Variants in SRC observed in about 807,000 individuals in gnomAD.
SRC encodes SRC proto-oncogene, non-receptor tyrosine kinase, also known as proto-oncogene tyrosine-protein kinase Src.
SRC carries 13 observed loss-of-function variants against 62.9 expected under a neutral mutation model. That is an observed-to-expected ratio of 0.21 (90% CI 0.13 to 0.33). SRC has a LOEUF of 0.33. SRC is among the 10% of genes least tolerant of loss of function. SRC has a pLI of 1.00. For synonymous variants in SRC, 302 were observed against 317.5 expected (o/e 0.95, Z 0.52); for missense variants, 457 against 737.3 (o/e 0.62, Z 4.40).
At chr20:37,365,414 C>T (rs187940144) in intron 2 of SRC, 137 bp downstream of exon 2, 7 of 152,084 alleles carry the variant, frequency 4.6e-5, no homozygotes, top group Admixed American at 3.9e-4. Flanking sequence ...GTCTCCTTGC[C>T]AGAGGCAACC....
At chr20:37,350,973 G>A (rs975033086) in intron 1 of SRC, among the ~76,000 whole-genome samples, 1 of 152,176 alleles carries the variant, frequency 6.6e-6, no homozygotes, top group African/African-American at 2.4e-5. Context: ...AAAGACCCAG[G>A]GCAAATCATC....
chr20:37,381,190 G>C (rs957799834), intron 2 of SRC, among the ~76,000 whole-genome samples: 11 of 152,098 alleles, frequency 7.2e-5, no homozygotes, highest in Admixed American at 2.6e-4. Flanking sequence ...CATTGCACTT[G>C]GTGGCTCAGG....
At chr20:37,376,085 G>T (rs1212843504) in intron 2 of SRC, among the ~76,000 whole-genome samples, 2 of 152,206 alleles carry the variant, frequency 1.3e-5, no homozygotes, top group Non-Finnish European at 2.9e-5. Flanking sequence ...ATCTGGGGTG[G>T]GGGATGCACA....
At chr20:37,378,455 C>A (rs1383793088) in intron 2 of SRC, among the ~76,000 whole-genome samples, 1 of 152,074 alleles carries the variant, frequency 6.6e-6, no homozygotes, top group Non-Finnish European at 1.5e-5. Flanking sequence ...TGCTCACAAC[C>A]CTATTATGTG....
Position 37,402,235 on chromosome 20 carries a change from G to A in SRC, c.1117-200G>A. 1.7e-6 allele frequency: 1 copy of A among 602,972 alleles called. No individual in the cohort carries two copies. The allele number at this position is 602,972 out of a possible 1,614,324, so 37.4% of individuals were successfully genotyped here. A position where few individuals can be genotyped will look rare whatever the true frequency, so the allele number is the denominator to read the frequency against. The stretch of plus-strand genomic sequence containing the variant: ...ACCTTTGCCTTCTGCCCTCTGCTCT[G>A]TGCCCTGTGCTCCCTACTCCCGCAG... On this transcript the variant is annotated intron_variant, in intron 11 of 13. Coordinates refer to ENST00000373578, the MANE Select transcript of SRC (RefSeq NM_198291.3). The surrounding 1 kb of genome is among the most constrained non-coding windows in gnomAD (Gnocchi z 6.2).
intron 2 of SRC, among the ~76,000 whole-genome samples, chr20:37,371,597 C>A (rs1023435679): frequency 2.0e-5 from 3 of 151,408 alleles, no homozygotes; most frequent in Admixed American, 6.6e-5. Flanking sequence ...AATTTTTATT[C>A]TTTCCTTCCT....
Position 37,403,004 on chromosome 20 carries a change from T to A in SRC, c.1402+124T>A. ...TAAAACAAAGAAGTTGAGCGTCTGATGTTAGGCTCTCTCGATGGTCCATGC... is the reference window on the plus strand; with the variant it reads ...TAAAACAAAGAAGTTGAGCGTCTGAAGTTAGGCTCTCTCGATGGTCCATGC... On this transcript the variant is annotated intron_variant, in intron 13 of 13. Coordinates refer to ENST00000373578, the MANE Select transcript of SRC (RefSeq NM_198291.3). The surrounding 1 kb of genome is among the most constrained non-coding windows in gnomAD (Gnocchi z 7.1). 1 of 1,386,108 alleles carries A rather than the reference T, an allele frequency of 7.2e-7. No individual in the cohort carries two copies. The highest frequency in any genetic ancestry group is 2.5e-5 in the Admixed American group (1 of 40,674). 85.9% of individuals were successfully genotyped at this position (1,386,108 alleles called of 1,614,324 possible).
At position 37,358,495 on chromosome 20, in the gene SRC, G is replaced by C. The variant is rs1359149862; in HGVS notation, c.-246-6709G>C. Among the ~76,000 whole-genome samples the C allele has an allele frequency of 2.0e-5, 3 of 152,314 alleles. No homozygotes were observed. In the South Asian group the frequency reaches 6.2e-4, roughly 32 times the overall value. On this transcript the variant is annotated intron_variant, in intron 1 of 13. Coordinates refer to ENST00000373578, the MANE Select transcript of SRC (RefSeq NM_198291.3). The stretch of plus-strand genomic sequence containing the variant: ...CACCTTGGGACAGATCAGGGTTTCC[G>C]TACCGGGTGGTCTCTGCACAGCCCA...
At chr20:37,401,786 T>C (rs1301229825) in intron 11 of SRC, 108 bp downstream of exon 11, 3 of 716,772 alleles carry the variant, frequency 4.2e-6, no homozygotes, top group Non-Finnish European at 6.8e-6. Context: ...AAGCCTGCCT[T>C]GATTGCCTCC....
intron 2 of SRC, among the ~76,000 whole-genome samples, chr20:37,373,109 T>C (rs753581230): frequency 1.5e-5 from 2 of 136,464 alleles, no homozygotes; most frequent in Non-Finnish European, 3.0e-5. Flanking sequence ...TACACATATA[T>C]GTACACACAC....
At chr20:37,379,341 C>T (rs1264938102) in intron 2 of SRC, among the ~76,000 whole-genome samples, 2 of 152,070 alleles carry the variant, frequency 1.3e-5, no homozygotes, top group Admixed American at 1.3e-4. Context: ...GGGGTTGGCC[C>T]CTCTCCAAGG....
At chr20:37,399,511 C>T (rs2070707443) in intron 9 of SRC, among the ~76,000 whole-genome samples, 1 of 152,008 alleles carries the variant, frequency 6.6e-6, no homozygotes, top group African/African-American at 2.4e-5. Flanking sequence ...GAACCTTGGT[C>T]CCCTATCTGT....
intron 2 of SRC, among the ~76,000 whole-genome samples, chr20:37,372,225 C>T (rs778926164): frequency 8.5e-6 from 1 of 117,970 alleles, no homozygotes; most frequent in African/African-American, 4.7e-5. Context: ...TGAGCTCAAG[C>T]AATCCACCTG....
At position 37,402,934 on chromosome 20, in the gene SRC, G is replaced by A. The variant is rs2147127106; in HGVS notation, c.1402+54G>A. The A allele has an allele frequency of 6.4e-7, 1 of 1,570,140 alleles. No homozygotes were observed. The highest frequency in any genetic ancestry group is 8.6e-7 in the Non-Finnish European group (1 of 1,160,022). On this transcript the variant is annotated intron_variant, in intron 13 of 13. Coordinates refer to ENST00000373578, the MANE Select transcript of SRC (RefSeq NM_198291.3). The surrounding 1 kb of genome is among the most constrained non-coding windows in gnomAD (Gnocchi z 6.2). ...GTCCCTGAATCCCTCTGCCCTGGTG[G>A]CCTTGGGCAAGTCATGACTCCTGCT...
chr20:37,379,186 G>A (rs1375643088), intron 2 of SRC, among the ~76,000 whole-genome samples: 2 of 152,118 alleles, frequency 1.3e-5, no homozygotes, highest in Non-Finnish European at 2.9e-5. Flanking sequence ...CAGAGCCCAC[G>A]GTGAGGAGTG....
rs1032372078 is a variant in SRC, at chr20:37,396,144, C to A, written c.554-18C>A. ...GGGAGAGGGCATGGCGGTCACGGCT[C>A]CCCTCGGTGCCCCGCAGGTGCCTAC... On this transcript the variant is annotated intron_variant, in intron 7 of 13. Coordinates refer to ENST00000373578, the MANE Select transcript of SRC (RefSeq NM_198291.3). The surrounding 1 kb of genome is among the most constrained non-coding windows in gnomAD (Gnocchi z 6.1). 1.2e-6 allele frequency: 2 copies of A among 1,608,800 alleles called. No individual in the cohort carries two copies. Among genetic ancestry groups the A allele is most frequent in the Non-Finnish European group, 1.7e-6 (2 of 1,178,892 alleles).
rs1314135902 is a variant in SRC, at chr20:37,402,030, C to T, written c.1116+352C>T. The T allele has an allele frequency of 1.6e-5, 5 of 303,880 alleles. No homozygotes were observed. Among genetic ancestry groups the T allele is most frequent in the Middle Eastern group, 8.5e-4 (1 of 1,170 alleles). The allele number at this position is 303,880 out of a possible 1,614,324, so 18.8% of individuals were successfully genotyped here. ...TTTTTTTTTCATTTAATCCTCATCA[C>T]GACCAGGAGTGACGAGGATTGGCTG... On this transcript the variant is annotated intron_variant, in intron 11 of 13. Coordinates refer to ENST00000373578, the MANE Select transcript of SRC (RefSeq NM_198291.3). The surrounding 1 kb of genome is among the most constrained non-coding windows in gnomAD (Gnocchi z 6.2).
At chr20:37,373,476 C>CATAT (rs1568628856) in intron 2 of SRC, among the ~76,000 whole-genome samples, 2 of 151,794 alleles carry the variant, frequency 1.3e-5, no homozygotes, top group African/African-American at 4.9e-5. Context: ...CACACACATA[C>CATAT]ATATATATAT....
At chr20:37,385,748 C>G (rs1254895786) in intron 4 of SRC, among the ~76,000 whole-genome samples, 1 of 152,218 alleles carries the variant, frequency 6.6e-6, no homozygotes, top group Non-Finnish European at 1.5e-5. Context: ...GGAAACAAAA[C>G]AAAGATGCTG....
Sources: gnomAD v4.1 joint callset for allele counts (sites outside exome capture counted in the v4.1 genomes callset) on GRCh38, gnomAD v4.1.1 for gene constraint, Gnocchi (gnomAD v3.1) non-coding constraint, MANE v1.5 for transcripts, NCBI Gene and HGNC (gene_info 2026-07-23, HGNC 2026-07-21) for gene names.